KAT6B: variants seen among roughly 807,000 people sequenced by gnomAD.
KAT6B encodes lysine acetyltransferase 6B.
In KAT6B, 10 loss-of-function variants were observed where a neutral mutation model predicts 187.5. That is an observed-to-expected ratio of 0.05 (90% CI 0.03 to 0.09). KAT6B has a LOEUF of 0.09. Ranked by LOEUF, KAT6B falls within the 10% of genes least tolerant of loss-of-function variation. The pLI, the probability that KAT6B is intolerant of heterozygous loss-of-function variation, is 1.00. For synonymous variants in KAT6B, 861 were observed against 926.8 expected (o/e 0.93, Z 1.29); for missense variants, 1,952 against 2,558.9 (o/e 0.76, Z 5.12).
At position 74,981,881 on chromosome 10, in the gene KAT6B, C is replaced by A; in HGVS notation, c.2326C>A (p.Pro776Thr). ...RHSKKCGWFH[P>T]PANEIYRRKD... ...CTCCAAGAAGTGTGGATGGTTTCAT[C>A]CTCCAGCAAATGAAATTTACCGAAG... Residue 776 changes from proline (P) to threonine (T), a missense_variant, in exon 11 of 18, where the codon CCT becomes ACT. Around this residue, in one of 9 missense-constraint regions of KAT6B, gnomAD observed 87 missense variants for 191.8 expected, o/e 0.45. Coordinates refer to ENST00000287239, the MANE Select transcript of KAT6B (RefSeq NM_012330.4). 6.2e-7 allele frequency: 1 copy of A among 1,613,326 alleles called. No individual in the cohort carries two copies. The highest frequency in any genetic ancestry group is 8.5e-7 in the Non-Finnish European group (1 of 1,179,384).
At chr10:74,939,404 T>G (rs1025197091) in intron 3 of KAT6B, among the ~76,000 whole-genome samples, 2 of 152,092 alleles carry the variant, frequency 1.3e-5, no homozygotes, top group East Asian at 3.9e-4. Context: ...TTTTTGTTGT[T>G]GTTGTTTATT....
At chr10:74,893,407 T>C (rs1420085923) in intron 3 of KAT6B, among the ~76,000 whole-genome samples, 1 of 152,218 alleles carries the variant, frequency 6.6e-6, no homozygotes, top group Admixed American at 6.5e-5. Context: ...AAAGTTTGGC[T>C]TTATTTAAGA....
At chr10:74,914,443 A>C (rs1247946458) in intron 3 of KAT6B, among the ~76,000 whole-genome samples, 1 of 152,194 alleles carries the variant, frequency 6.6e-6, no homozygotes, top group Non-Finnish European at 1.5e-5. Context: ...TCAATATTAG[A>C]TGCTTATAAC....
At chr10:75,011,962 T>A (rs2134066063) in intron 13 of KAT6B, among the ~76,000 whole-genome samples, 1 of 152,310 alleles carries the variant, frequency 6.6e-6, no homozygotes, top group East Asian at 1.9e-4. Context: ...GAAGTGGTGC[T>A]GTACCCCATT....
chr10:75,003,846 C>G (rs906159503), intron 13 of KAT6B, among the ~76,000 whole-genome samples: 1 of 152,000 alleles, frequency 6.6e-6, no homozygotes, highest in Non-Finnish European at 1.5e-5. Context: ...GTGCGGCTAA[C>G]GATTTATTTG....
At chr10:74,968,942 G>A (rs2133642184) in intron 4 of KAT6B, among the ~76,000 whole-genome samples, 1 of 152,222 alleles carries the variant, frequency 6.6e-6, no homozygotes, top group Non-Finnish European at 1.5e-5. Context: ...GCTGCTAGGT[G>A]AAAAGTGTGC....
chr10:75,014,328 G>T (rs1844829640), intron 13 of KAT6B, among the ~76,000 whole-genome samples: 1 of 151,972 alleles, frequency 6.6e-6, no homozygotes, highest in Non-Finnish European at 1.5e-5. Flanking sequence ...GAAAAAGAAA[G>T]AACAAAATAA....
At chr10:74,903,548 TACA>T (rs1162195164) in intron 3 of KAT6B, among the ~76,000 whole-genome samples, 4 of 152,228 alleles carry the variant, frequency 2.6e-5, no homozygotes, top group Non-Finnish European at 5.9e-5. Context: ...ACCTCAGTCC[TACA>T]ACCGCTAGGA....
rs766480751 is a variant in KAT6B at position 75,029,762 on chromosome 10, C to T, written c.4938C>T (p.Thr1646=). Residue 1646 remains threonine (T), a synonymous_variant, in exon 18 of 18, where the codon ACC becomes ACT. Transcript: ENST00000287239. The surrounding 1 kb of genome is among the most constrained non-coding windows in gnomAD (Gnocchi z 6.2). ...TGCCATCTCTGCAGAACATGGAAAC[C>T]AGTCCCATGATGGATGTCCCATCAG... ...ISVPSLQNME[T]SPMMDVPSVS... 3 of 1,614,152 alleles carry T rather than the reference C, an allele frequency of 1.9e-6. No individual in the cohort carries two copies. The highest frequency in any genetic ancestry group is 1.3e-5 in the African/African-American group (1 of 75,048).
At chr10:74,901,905 G>A (rs1236545425) in intron 3 of KAT6B, among the ~76,000 whole-genome samples, 1 of 152,092 alleles carries the variant, frequency 6.6e-6, no homozygotes, top group African/African-American at 2.4e-5. Flanking sequence ...TTGGTTGAAA[G>A]GAATGGAAAA....
chr10:74,946,635 A>G (rs1431641604), intron 3 of KAT6B, among the ~76,000 whole-genome samples: 1 of 152,224 alleles, frequency 6.6e-6, no homozygotes, highest in Non-Finnish European at 1.5e-5. Context: ...ACATAAAAAA[A>G]TCATAGTGTC....
intron 3 of KAT6B, among the ~76,000 whole-genome samples, chr10:74,858,633 A>G (rs1323422022): frequency 6.6e-6 from 1 of 152,110 alleles, no homozygotes; most frequent in Non-Finnish European, 1.5e-5. Flanking sequence ...TTTCATTTAA[A>G]TGCCCACAGG....
At chr10:74,910,031 C>T (rs570062986) in intron 3 of KAT6B, among the ~76,000 whole-genome samples, 6 of 151,702 alleles carry the variant, frequency 4.0e-5, no homozygotes, top group East Asian at 3.9e-4. Context: ...CTCCCCTAAT[C>T]GCCTTTAAAC....
intron 4 of KAT6B, among the ~76,000 whole-genome samples, chr10:74,964,971 G>C (rs10824252): frequency 0.12 from 18,707 of 152,056 alleles, 1,816 homozygotes; most frequent in South Asian, 0.27. Flanking sequence ...CTCAATCTAG[G>C]CTTCACCCTT....
intron 1 of KAT6B, among the ~76,000 whole-genome samples, chr10:74,829,784 C>T (rs564948210): frequency 2.0e-5 from 3 of 150,692 alleles, no homozygotes; most frequent in East Asian, 2.0e-4. Flanking sequence ...TTTGGGAGGC[C>T]GAGGTGGATG....
intron 4 of KAT6B, among the ~76,000 whole-genome samples, chr10:74,965,886 C>T (rs987383690): frequency 1.1e-4 from 16 of 150,446 alleles, no homozygotes; most frequent in African/African-American, 3.0e-4. Flanking sequence ...CCACCACGCC[C>T]GGCCAATTTT....
intron 3 of KAT6B, among the ~76,000 whole-genome samples, chr10:74,894,114 CCTCT>C (rs1275536869): frequency 6.6e-6 from 1 of 152,114 alleles, no homozygotes; most frequent in East Asian, 1.9e-4. Context: ...ACGGAGTCTC[CCTCT>C]GTCGCCCAGG....
At chr10:74,840,480 T>C (rs1841664524) in intron 2 of KAT6B, among the ~76,000 whole-genome samples, 1 of 152,186 alleles carries the variant, frequency 6.6e-6, no homozygotes, top group African/African-American at 2.4e-5. Flanking sequence ...GGAATAGGAA[T>C]AGGGTCGAAG....
intron 3 of KAT6B, among the ~76,000 whole-genome samples, chr10:74,890,374 C>G (rs1417643338): frequency 6.6e-6 from 1 of 152,056 alleles, no homozygotes; most frequent in East Asian, 1.9e-4. Flanking sequence ...TGTGGTGGCT[C>G]ACACTTGTAA....
Sources: allele counts gnomAD v4.1 joint callset (sites outside exome capture counted in the v4.1 genomes callset), GRCh38; gene constraint gnomAD v4.1.1; regional missense constraint gnomAD v4.1.1; non-coding constraint Gnocchi (gnomAD v3.1); transcripts MANE v1.5; gene names NCBI Gene and HGNC (gene_info 2026-07-23, HGNC 2026-07-21).